SAA4: variants seen among roughly 807,000 people sequenced by gnomAD.
The protein encoded by SAA4 is serum amyloid A4, constitutive.
SAA4 carries 8 observed loss-of-function variants against 11.2 expected under a neutral mutation model. The ratio of observed to expected loss-of-function variants is 0.71; its 90% CI spans 0.42 to 1.29. The LOEUF (loss-of-function observed/expected upper bound fraction) is 1.29, where lower values mean the gene tolerates loss of function less well. SAA4 is among the 50% of genes most tolerant of loss of function. The pLI is 0.01. For synonymous variants in SAA4, 60 were observed against 56.2 expected, an observed-to-expected ratio of 1.07 and a Z score of -0.30; for missense variants, 171 against 164.2, an observed-to-expected ratio of 1.04 and a Z score of -0.23.
chr11:18,236,222 ATTTTTTT>A (rs36090595), intron 1 of SAA4, among the ~76,000 whole-genome samples: 2 of 129,572 alleles, frequency 1.5e-5, no homozygotes. Flanking sequence ...CACTCAGCTA[ATTTTTTT>A]TTTTTTTTTT....
In SAA4 at chr11:18,231,455, T is replaced by A; in HGVS notation, c.*47A>T. 6.3e-7 allele frequency: 1 copy of A among 1,590,674 alleles called. No individual in the cohort carries two copies. The highest frequency in any genetic ancestry group is 8.5e-7 in the Non-Finnish European group (1 of 1,170,344). Reference sequence around the variant, plus strand: ...CTGTGTCCCTGTCTGGGGGGAGAAGTGTGTGGCTCACAGCCCAGTTTCCCT... The same window carrying A: ...CTGTGTCCCTGTCTGGGGGGAGAAGAGTGTGGCTCACAGCCCAGTTTCCCT... On this transcript the variant is annotated 3_prime_UTR_variant, in exon 4 of 4. Coordinates refer to ENST00000278222, the MANE Select transcript of SAA4 (RefSeq NM_006512.4).
intron 1 of SAA4, among the ~76,000 whole-genome samples, chr11:18,236,493 A>G (rs939254808): frequency 6.6e-6 from 1 of 152,220 alleles, no homozygotes; most frequent in South Asian, 2.1e-4. Context: ...TCTAGAAAGA[A>G]TAAGAGGATT....
chr11:18,235,307 C>T (rs1857192564), intron 2 of SAA4, among the ~76,000 whole-genome samples: 1 of 152,172 alleles, frequency 6.6e-6, no homozygotes, highest in South Asian at 2.1e-4. Flanking sequence ...AAGTCAGTTT[C>T]CCAGCCGTAT....
At chr11:18,231,831 G>A (rs17568931) in intron 3 of SAA4, among the ~76,000 whole-genome samples, 167 bp from the exon 4 acceptor site, 5,818 of 132,328 alleles carry the variant, frequency 0.044, 168 homozygotes, top group African/African-American at 0.086. Flanking sequence ...CTTGGGCAAA[G>A]GCCTAAGTCT....
At position 18,231,427 on chromosome 11, in the gene SAA4, A is replaced by G. The variant is rs1420409129; in HGVS notation, c.*75T>C. The G allele has an allele frequency of 2.6e-6, 4 of 1,551,068 alleles. No individual in the cohort carries two copies. Among genetic ancestry groups the G allele is most frequent in the South Asian group, 2.5e-5 (2 of 80,136 alleles). On this transcript the variant is annotated 3_prime_UTR_variant, in exon 4 of 4. Coordinates refer to ENST00000278222, the MANE Select transcript of SAA4 (RefSeq NM_006512.4). ...GTTCCTGGGGACACAAAGCTCAGTGACCCTGTGTCCCTGTCTGGGGGGAGA... is the reference window on the plus strand; with the variant it reads ...GTTCCTGGGGACACAAAGCTCAGTGGCCCTGTGTCCCTGTCTGGGGGGAGA...
At chr11:18,233,279 T>A (rs1307996862) in intron 2 of SAA4, among the ~76,000 whole-genome samples, 1 of 152,160 alleles carries the variant, frequency 6.6e-6, no homozygotes, top group East Asian at 1.9e-4. Flanking sequence ...GGGGGAATCA[T>A]ACCTACCTCC....
intron 2 of SAA4, among the ~76,000 whole-genome samples, chr11:18,234,799 T>A (rs963829938): frequency 1.3e-5 from 2 of 152,208 alleles, no homozygotes; most frequent in Non-Finnish European, 2.9e-5. Context: ...TCTCCAAGCA[T>A]CTGACAGATT....
At chr11:18,235,533 G>A (rs899934485) in intron 2 of SAA4, among the ~76,000 whole-genome samples, 2 of 152,104 alleles carry the variant, frequency 1.3e-5, no homozygotes, top group African/African-American at 4.8e-5. Context: ...TAAACATCAT[G>A]CCCTGAGAAA....
At chr11:18,234,026 A>G (rs1308363942) in intron 2 of SAA4, among the ~76,000 whole-genome samples, 1 of 152,238 alleles carries the variant, frequency 6.6e-6, no homozygotes, top group Non-Finnish European at 1.5e-5. Context: ...AAAACTTTAA[A>G]AAGCCTAATT....
chr11:18,232,817 G>T (rs931178124), intron 2 of SAA4, among the ~76,000 whole-genome samples: 2 of 152,094 alleles, frequency 1.3e-5, no homozygotes, highest in Non-Finnish European at 2.9e-5. Context: ...ACGCTCATGT[G>T]AGGAATGCTT....
chr11:18,231,781 C>A (rs1857138601), intron 3 of SAA4, 117 bp from the exon 4 acceptor site: 2 of 1,318,542 alleles, frequency 1.5e-6, no homozygotes, highest in Admixed American at 2.8e-5. Flanking sequence ...TGAGAGGAGG[C>A]TGGAAAACTC....
chr11:18,232,426 G>A lies in SAA4; in HGVS notation c.199C>T (p.Pro67Ser). ...RGNYDAAQRG[P>S]GGVWAAKLIS... ...AGTTTAGCAGCCCAGACACCCCCAG[G>A]TCCTCTTTGGGCAGCATCATAGTTT... Residue 67 changes from proline to serine, a missense_variant, in exon 3 of 4, where the codon CCT (proline) becomes TCT (serine). Pro to Ser is a moderately conservative substitution (Grantham distance 74). Coordinates refer to ENST00000278222, the MANE Select transcript of SAA4 (RefSeq NM_006512.4). The A allele has an allele frequency of 6.2e-7, 1 of 1,614,040 alleles. No homozygotes were observed. Among genetic ancestry groups the A allele is most frequent in the South Asian group, 1.1e-5 (1 of 91,080 alleles).
rs759622013 is a variant in SAA4, at chr11:18,231,631, G to C, written c.264C>G (p.Asp88Glu). ...RSRVYLQGLI[D>E]CYLFGNSSTV... ...TGCTGCTGTTTCCAAATAAATAGCAGTCTATTAATCCCTGAAGATAGACCC... is the reference window on the plus strand; with the variant it reads ...TGCTGCTGTTTCCAAATAAATAGCACTCTATTAATCCCTGAAGATAGACCC... The change falls in exon 4 of 4, where the codon GAC (aspartate) becomes GAG (glutamate). Residue 88 changes from aspartate (D) to glutamate (E), a missense_variant. Coordinates refer to ENST00000278222, the MANE Select transcript of SAA4 (RefSeq NM_006512.4). The C allele has an allele frequency of 4.3e-5, 69 of 1,613,980 alleles. 1 individual carries two copies. Among genetic ancestry groups the C allele is most frequent in the Middle Eastern group, 3.3e-4 (2 of 6,058 alleles).
At chr11:18,234,974 A>C (rs2445176) in intron 2 of SAA4, among the ~76,000 whole-genome samples, 63,255 of 152,036 alleles carry the variant, frequency 0.42, 14,417 homozygotes, top group East Asian at 0.85. Context: ...TAAAACAAAC[A>C]CCGGCCGATT....
chr11:18,234,674 T>C (rs528190520), intron 2 of SAA4, among the ~76,000 whole-genome samples: 2 of 152,332 alleles, frequency 1.3e-5, no homozygotes, highest in Admixed American at 6.5e-5. Flanking sequence ...CTTCATGTAT[T>C]ATTTTGTGTC....
Position 18,231,512 on chromosome 11 carries a change from T to C in SAA4, c.383A>G (p.Lys128Arg), listed in dbSNP as rs1857133861. The stretch of plus-strand genomic sequence containing the variant: ...AGAGGAGCAGGAAGCTCAGTATTTC[T>C]TAGGCAGGCCGTCAGGTCTGAAGCG... The part of the protein sequence containing the change: ...PDRFRPDGLP[K>R]KY Residue 128 changes from lysine to arginine, a missense_variant, in exon 4 of 4, where the codon AAG (lysine) becomes AGG (arginine). Transcript: ENST00000278222. 6.2e-7 allele frequency: 1 copy of C among 1,612,468 alleles called. No individual in the cohort carries two copies. Among genetic ancestry groups the C allele is most frequent in the African/African-American group, 1.3e-5 (1 of 74,956 alleles).
chr11:18,236,222 AT>A (rs36090595), intron 1 of SAA4, among the ~76,000 whole-genome samples: 391 of 129,554 alleles, frequency 3.0e-3, no homozygotes, highest in African/African-American at 3.9e-3. Context: ...CACTCAGCTA[AT>A]TTTTTTTTTT....
chr11:18,232,265 G>A, intron 3 of SAA4, 130 bp downstream of exon 3: 3 of 1,373,374 alleles, frequency 2.2e-6, no homozygotes, highest in Non-Finnish European at 3.0e-6. Flanking sequence ...CACCAGCCTT[G>A]CTCTGGCTCT....
At chr11:18,232,655 T>A in intron 2 of SAA4, 122 bp from the exon 3 acceptor site, 2 of 1,417,008 alleles carry the variant, frequency 1.4e-6, no homozygotes, top group East Asian at 2.3e-5. Context: ...AAATCATACG[T>A]GGAGATAAAC....
Sources: allele counts gnomAD v4.1 joint callset (sites outside exome capture counted in the v4.1 genomes callset), GRCh38; gene constraint gnomAD v4.1.1; transcripts MANE v1.5; gene names NCBI Gene and HGNC (gene_info 2026-07-23, HGNC 2026-07-21).